The following DMD variants were observed in gnomAD, a reference collection of about 807,000 sequenced individuals.
DMD encodes mutant dystrophin.
In DMD, 63 loss-of-function variants were observed where a neutral mutation model predicts 330.1. That is an observed-to-expected ratio of 0.19 (90% CI 0.16 to 0.24). The LOEUF (loss-of-function observed/expected upper bound fraction) is 0.24. Among genes scored for constraint, DMD ranks in the 10% least tolerant of loss-of-function variants. The pLI, the probability that DMD is intolerant of heterozygous loss-of-function variation, is 1.00. For missense variants in DMD, 3,344 were observed against 2,684.1 expected (o/e 1.25, Z -5.43); for synonymous variants, 1,223 against 959.8 (o/e 1.27, Z -5.07).
At chrX:31,881,573 T>C (rs989136030) in intron 47 of DMD, among the ~76,000 whole-genome samples, 3 of 111,994 alleles carry the variant, frequency 2.7e-5, no homozygotes, top group African/African-American at 9.7e-5. Flanking sequence ...GCTCCATTCA[T>C]GGTAAATACC....
chrX:31,802,211 G>A (rs936293798), intron 50 of DMD, among the ~76,000 whole-genome samples: 6 of 109,927 alleles, frequency 5.5e-5, no homozygotes, highest in Non-Finnish European at 9.5e-5. Flanking sequence ...GTAAGGTACT[G>A]GAGCATTTTA....
At chrX:32,161,918 G>A (rs181633883) in intron 44 of DMD, among the ~76,000 whole-genome samples, 2 of 111,791 alleles carry the variant, frequency 1.8e-5, no homozygotes, top group African/African-American at 3.2e-5. Context: ...GGCTAAGTTC[G>A]GTGAAATAAC....
At chrX:33,247,844 T>C (rs966866752) in intron 1 of DMD, among the ~76,000 whole-genome samples, 6 of 111,173 alleles carry the variant, frequency 5.4e-5, no homozygotes, top group African/African-American at 1.6e-4. Flanking sequence ...ATTTAATTCA[T>C]AGAACACAAT....
intron 9 of DMD, among the ~76,000 whole-genome samples, chrX:32,682,068 T>C (rs775663830): frequency 2.7e-5 from 3 of 111,789 alleles, no homozygotes; most frequent in South Asian, 3.8e-4. Flanking sequence ...AGGATACCTA[T>C]AGGGAACAAA....
chrX:32,620,109 A>T (rs1339119149), intron 11 of DMD, among the ~76,000 whole-genome samples: 1 of 112,257 alleles, frequency 8.9e-6, no homozygotes, highest in Non-Finnish European at 1.9e-5. Context: ...AGCAAGAAGG[A>T]GAAAAGTGAA....
At chrX:31,438,905 C>G (rs1366382570) in intron 60 of DMD, among the ~76,000 whole-genome samples, 1 of 111,621 alleles carries the variant, frequency 9.0e-6, no homozygotes, top group African/African-American at 3.3e-5. Flanking sequence ...AAAATCCTAT[C>G]TCACCAAAGT....
chrX:32,362,675 A>G, intron 37 of DMD, 113 bp downstream of exon 37: 1 of 871,397 alleles, frequency 1.1e-6, no homozygotes, highest in Non-Finnish European at 1.7e-6. Flanking sequence ...TTTGGCATTC[A>G]TTTTCCTTTT....
chrX:32,824,598 G>T (rs2078539811), intron 4 of DMD, among the ~76,000 whole-genome samples: 1 of 111,588 alleles, frequency 9.0e-6, no homozygotes, highest in Non-Finnish European at 1.9e-5. Context: ...GTCAGGAATG[G>T]GAGTAAGATG....
At chrX:31,454,183 G>A (rs766045090) in intron 59 of DMD, among the ~76,000 whole-genome samples, 408 of 111,105 alleles carry the variant, frequency 3.7e-3, no homozygotes, top group African/African-American at 0.012. Context: ...TTGTCGCCCC[G>A]GCTGGAGTGC....
chrX:31,227,161 C>G (rs1282540853), intron 63 of DMD, among the ~76,000 whole-genome samples: 3 of 110,922 alleles, frequency 2.7e-5, no homozygotes, highest in Non-Finnish European at 5.7e-5. Context: ...CCCTCTTTTC[C>G]TATTTTCCTG....
Position 31,120,181 on chromosome X carries a change from A to G in DMD, c.*1738T>C, listed in dbSNP as rs1716005851. On this transcript the variant is annotated 3_prime_UTR_variant, in exon 79 of 79. Coordinates refer to ENST00000357033, the MANE Select transcript of DMD (RefSeq NM_004006.3). ...ATTGAATGAATGATTTAAAAATCAA[A>G]AAGAAATAAAATGGCATGAAAGAGT... 1.8e-5 allele frequency: 2 copies of G among 111,802 alleles called. No individual in the cohort carries two copies. Among genetic ancestry groups the G allele is most frequent in the Non-Finnish European group, 3.8e-5 (2 of 52,904 alleles). 9.2% of individuals were successfully genotyped at this position (111,802 alleles called of 1,213,427 possible).
chrX:32,740,333 A>G (rs1323496992), intron 7 of DMD, among the ~76,000 whole-genome samples: 3 of 110,228 alleles, frequency 2.7e-5, no homozygotes, highest in Admixed American at 9.9e-5. Context: ...ATCCTGATTT[A>G]TAGGGGCCAT....
At chrX:32,384,504 T>C (rs1357922884) in intron 33 of DMD, among the ~76,000 whole-genome samples, 3 of 111,127 alleles carry the variant, frequency 2.7e-5, no homozygotes, top group Non-Finnish European at 1.9e-5. Context: ...TCTTTTGTCA[T>C]AGGATGGCAA....
chrX:31,810,498 G>A (rs766555178), intron 50 of DMD, among the ~76,000 whole-genome samples: 2 of 112,215 alleles, frequency 1.8e-5, no homozygotes, highest in Non-Finnish European at 3.8e-5. Context: ...AAACTGTCAA[G>A]TATAGCAGAT....
intron 3 of DMD, among the ~76,000 whole-genome samples, chrX:32,846,672 A>G (rs1162919375): frequency 9.7e-6 from 1 of 102,630 alleles, no homozygotes; most frequent in Non-Finnish European, 2.0e-5. Flanking sequence ...TTACATTCTG[A>G]TATTTCTCCC....
chrX:32,265,671 G>A (rs2097341525), intron 43 of DMD, among the ~76,000 whole-genome samples: 1 of 112,672 alleles, frequency 8.9e-6, no homozygotes. Context: ...CCTTGCATCA[G>A]CGTGACCTGG....
At chrX:31,918,886 C>T (rs1487704707) in intron 47 of DMD, among the ~76,000 whole-genome samples, 1 of 111,923 alleles carries the variant, frequency 8.9e-6, no homozygotes, top group Non-Finnish European at 1.9e-5. Flanking sequence ...GCCTGCCCTC[C>T]TTGGCCTCCC....
intron 44 of DMD, among the ~76,000 whole-genome samples, chrX:32,136,585 A>G (rs1378919006): frequency 1.9e-5 from 2 of 107,750 alleles, no homozygotes; most frequent in Non-Finnish European, 4.0e-5. Flanking sequence ...ACAAAACAAA[A>G]CAAAACAAAA....
intron 49 of DMD, among the ~76,000 whole-genome samples, chrX:31,822,653 G>GGTGT (rs1556919105): frequency 0.011 from 715 of 65,770 alleles, 10 homozygotes; most frequent in South Asian, 0.015. Context: ...AAGGCAGAGG[G>GGTGT]GTGTGTGTGT....
Sources: gnomAD v4.1 joint callset for allele counts (sites outside exome capture counted in the v4.1 genomes callset) on GRCh38, gnomAD v4.1.1 for gene constraint, MANE v1.5 for transcripts, NCBI Gene and HGNC (gene_info 2026-07-23, HGNC 2026-07-21) for gene names.